PDE7B: variants seen among roughly 807,000 people sequenced by gnomAD.
PDE7B encodes phosphodiesterase 7B, also known as 3',5'-cyclic-AMP phosphodiesterase 7B.
In PDE7B, 29 loss-of-function variants were observed where a neutral mutation model predicts 56.2. The ratio of observed to expected loss-of-function variants is 0.52; its 90% CI spans 0.38 to 0.70. The LOEUF (loss-of-function observed/expected upper bound fraction) is 0.70, where lower values mean the gene tolerates loss of function less well. PDE7B is among the 30% of genes least tolerant of loss of function. PDE7B has a pLI of 0.00. For missense variants in PDE7B, 490 were observed against 565.0 expected, an observed-to-expected ratio of 0.87 and a Z score of 1.35; for synonymous variants, 197 against 196.9, an observed-to-expected ratio of 1.00 and a Z score of 0.00.
intron 2 of PDE7B, among the ~76,000 whole-genome samples, chr6:136,022,084 C>G (rs766665528): frequency 6.6e-6 from 1 of 152,182 alleles, no homozygotes; most frequent in Non-Finnish European, 1.5e-5. Flanking sequence ...CTTTTTCTGC[C>G]TCAAGTCCTC....
At chr6:136,140,164 G>A (rs1027502467) in intron 3 of PDE7B, among the ~76,000 whole-genome samples, 1 of 152,290 alleles carries the variant, frequency 6.6e-6, no homozygotes, top group Admixed American at 6.5e-5. Context: ...GTAAGGAAGG[G>A]ATCCAGTTTC....
intron 2 of PDE7B, chr6:136,096,105 A>G (rs540210346): frequency 1.0e-3 from 156 of 152,362 alleles, no homozygotes; most frequent in African/African-American, 3.6e-3. Context: ...TCTGGAATGA[A>G]GAACTCCCAA....
At chr6:136,105,785 T>C (rs1777636530) in intron 2 of PDE7B, among the ~76,000 whole-genome samples, 1 of 152,144 alleles carries the variant, frequency 6.6e-6, no homozygotes, top group African/African-American at 2.4e-5. Flanking sequence ...TGCCCTCCCT[T>C]CATCCATTTG....
At chr6:136,167,502 A>C (rs1005090819) in intron 8 of PDE7B, among the ~76,000 whole-genome samples, 42 of 152,206 alleles carry the variant, frequency 2.8e-4, no homozygotes, top group African/African-American at 9.9e-4. Flanking sequence ...TCCATGTAAG[A>C]TGTGACTTGC....
chr6:135,866,511 C>T (rs538452729), intron 1 of PDE7B, among the ~76,000 whole-genome samples: 5 of 152,194 alleles, frequency 3.3e-5, no homozygotes, highest in Admixed American at 2.6e-4. Context: ...TGCTAATAGG[C>T]TAGGGAGATC....
chr6:136,032,769 C>A (rs951787199), intron 2 of PDE7B, among the ~76,000 whole-genome samples: 2 of 152,130 alleles, frequency 1.3e-5, no homozygotes, highest in African/African-American at 4.8e-5. Flanking sequence ...TTAAAAATAA[C>A]AATATTAAAT....
intron 1 of PDE7B, among the ~76,000 whole-genome samples, chr6:135,888,624 C>T (rs957525448): frequency 4.6e-5 from 7 of 150,840 alleles, no homozygotes; most frequent in East Asian, 1.9e-4. Flanking sequence ...CAACTAATGT[C>T]GACAGTAGGT....
At chr6:136,117,091 G>A (rs1219566537) in intron 3 of PDE7B, 1 of 152,094 alleles carries the variant, frequency 6.6e-6, no homozygotes, top group Non-Finnish European at 1.5e-5. Context: ...ACAGAGAAAT[G>A]GCCATTTTCT....
intron 1 of PDE7B, among the ~76,000 whole-genome samples, chr6:135,870,373 T>C (rs1775353133): frequency 6.6e-6 from 1 of 152,000 alleles, no homozygotes; most frequent in Non-Finnish European, 1.5e-5. Context: ...AGTTTCTGCA[T>C]TGGTAAAACT....
At chr6:136,065,156 C>T (rs1427485997) in intron 2 of PDE7B, among the ~76,000 whole-genome samples, 1 of 152,158 alleles carries the variant, frequency 6.6e-6, no homozygotes, top group Non-Finnish European at 1.5e-5. Flanking sequence ...AATACTACAG[C>T]TCGTATTTCT....
chr6:135,878,577 G>T (rs7747218), intron 1 of PDE7B, among the ~76,000 whole-genome samples: 29,899 of 152,004 alleles, frequency 0.2, 6,041 homozygotes, highest in African/African-American at 0.51. Context: ...TCTTTCATAC[G>T]TATGCTTGTA....
chr6:135,963,287 C>G (rs1273664128), intron 2 of PDE7B, among the ~76,000 whole-genome samples: 1 of 152,160 alleles, frequency 6.6e-6, no homozygotes, highest in Non-Finnish European at 1.5e-5. Context: ...TTGCACATTT[C>G]CAAGTTCAAG....
At position 136,191,696 on chromosome 6, in the gene PDE7B, G is replaced by T; in HGVS notation, c.1209G>T (p.Leu403=). 1 of 1,613,604 alleles carries T rather than the reference G, an allele frequency of 6.2e-7. No individual in the cohort carries two copies. Among genetic ancestry groups the T allele is most frequent in the Non-Finnish European group, 8.5e-7 (1 of 1,179,788 alleles). Residue 403 remains leucine (L), a synonymous_variant, in exon 13 of 13, where the codon CTG becomes CTT. Transcript: ENST00000308191. The part of the protein sequence containing the change: ...TGNSTLSENM[L]GHLAHNKAQW... ...ACAGCACCCTGTCGGAGAACATGCT[G>T]GGCCACCTCGCACACAACAAGGCCC...
At chr6:135,905,673 C>CAT (rs1279522910) in intron 1 of PDE7B, among the ~76,000 whole-genome samples, 1 of 152,144 alleles carries the variant, frequency 6.6e-6, no homozygotes, top group Non-Finnish European at 1.5e-5. Flanking sequence ...GCCTTCCTAA[C>CAT]AGTCAGCCGA....
chr6:135,911,007 T>C (rs1776202606), intron 1 of PDE7B, among the ~76,000 whole-genome samples: 1 of 152,192 alleles, frequency 6.6e-6, no homozygotes, highest in African/African-American at 2.4e-5. Context: ...GCAGTAATTA[T>C]GCAGTTGATA....
intron 2 of PDE7B, among the ~76,000 whole-genome samples, chr6:136,043,394 G>A (rs1022943048): frequency 2.0e-5 from 3 of 151,902 alleles, no homozygotes; most frequent in African/African-American, 7.3e-5. Context: ...GGCTAAGGGT[G>A]CCAGAGTGTG....
chr6:135,962,844 G>A (rs1278519136), intron 2 of PDE7B, among the ~76,000 whole-genome samples: 1 of 152,024 alleles, frequency 6.6e-6, no homozygotes, highest in African/African-American at 2.4e-5. Flanking sequence ...TTTTGCAGAG[G>A]GCATGTGACC....
chr6:136,160,465 C>T (rs904189860), intron 8 of PDE7B, among the ~76,000 whole-genome samples: 8 of 152,252 alleles, frequency 5.3e-5, no homozygotes, highest in Admixed American at 3.9e-4. Flanking sequence ...GCATTCTTAT[C>T]TCTGGCAAGT....
chr6:135,945,184 T>A (rs1774574771), intron 1 of PDE7B, among the ~76,000 whole-genome samples: 2 of 152,210 alleles, frequency 1.3e-5, no homozygotes, highest in African/African-American at 4.8e-5. Context: ...AATACTATGA[T>A]CAGACTCCAT....
Sources: allele counts gnomAD v4.1 joint callset (sites outside exome capture counted in the v4.1 genomes callset), GRCh38; gene constraint gnomAD v4.1.1; transcripts MANE v1.5; gene names NCBI Gene and HGNC (gene_info 2026-07-23, HGNC 2026-07-21).